FUT8: variants seen among roughly 807,000 people sequenced by gnomAD.
The protein encoded by FUT8 is fucosyltransferase 8.
In FUT8, 29 loss-of-function variants were observed where a neutral mutation model predicts 71.3. The observed-to-expected ratio is 0.41, with a 90% CI of 0.30 to 0.55. The LOEUF (loss-of-function observed/expected upper bound fraction) is 0.55, where lower values mean the gene tolerates loss of function less well. Among genes scored for constraint, FUT8 ranks in the 20% least tolerant of loss-of-function variants. The probability of loss-of-function intolerance (pLI) is 0.34; values close to 1 mark genes in which losing one functional copy is unlikely to be tolerated. For missense variants in FUT8, 544 were observed against 702.1 expected, an observed-to-expected ratio of 0.77 and a Z score of 2.55; for synonymous variants, 254 against 239.3, an observed-to-expected ratio of 1.06 and a Z score of -0.57.
chr14:65,425,780 A>T (rs2065376246), intron 1 of FUT8, among the ~76,000 whole-genome samples: 1 of 152,048 alleles, frequency 6.6e-6, no homozygotes, highest in Non-Finnish European at 1.5e-5. Context: ...GTTTGAGACC[A>T]GCCTGGCCAA....
intron 2 of FUT8, among the ~76,000 whole-genome samples, chr14:65,464,363 T>A (rs187249503): frequency 7.9e-5 from 12 of 152,186 alleles, no homozygotes; most frequent in Non-Finnish European, 1.5e-4. Context: ...TTTTCTTGTT[T>A]TACTGCATTA....
chr14:65,692,131 C>A (rs574744130), intron 7 of FUT8, among the ~76,000 whole-genome samples: 7 of 149,244 alleles, frequency 4.7e-5, no homozygotes, highest in Non-Finnish European at 4.5e-5. Context: ...CCTCCCAGAC[C>A]GGGTGGTGGC....
intron 6 of FUT8, among the ~76,000 whole-genome samples, chr14:65,646,878 T>C (rs1285005771): frequency 3.3e-5 from 5 of 152,162 alleles, no homozygotes; most frequent in Non-Finnish European, 7.4e-5. Context: ...CCCTGAAAAA[T>C]GAACATGATA....
intron 5 of FUT8, among the ~76,000 whole-genome samples, chr14:65,622,830 A>AT (rs143389595): frequency 0.017 from 2,540 of 151,070 alleles, 31 homozygotes; most frequent in Non-Finnish European, 0.025. Flanking sequence ...TCTTAGTCAC[A>AT]TTTACCCCCG....
rs1890051236 is a variant in FUT8 at position 65,629,271 on chromosome 14, AG to A, written c.483-220del. Among the ~76,000 whole-genome samples, 5 of 152,230 alleles carry A rather than the reference AG, an allele frequency of 3.3e-5. 1 individual carries two copies. In the South Asian group the frequency reaches 1.0e-3, roughly 32 times the overall value. ...GCAGCTGACTAGCTTGAACAAAAAA[AG>A]TATATTTTCTCAACAGTGAAAATTT... On this transcript the variant is annotated intron_variant, in intron 5 of 10. Coordinates refer to ENST00000673929, the MANE Select transcript of FUT8 (RefSeq NM_001371533.1).
At chr14:65,494,149 C>T (rs765581356) in intron 2 of FUT8, among the ~76,000 whole-genome samples, 7 of 152,136 alleles carry the variant, frequency 4.6e-5, no homozygotes, top group Admixed American at 3.9e-4. Context: ...AATTTTTTAA[C>T]TTTTTGTTAG....
chr14:65,675,952 GCGCCACTGCA>G (rs1302283800), intron 7 of FUT8, among the ~76,000 whole-genome samples: 1 of 152,064 alleles, frequency 6.6e-6, no homozygotes, highest in African/African-American at 2.4e-5. Flanking sequence ...AGCCGAGATC[GCGCCACTGCA>G]CTCCAGCCTG....
At chr14:65,564,991 G>T (rs11848176) in intron 3 of FUT8, among the ~76,000 whole-genome samples, 22 of 151,972 alleles carry the variant, frequency 1.4e-4, no homozygotes, top group African/African-American at 5.1e-4. Context: ...AGAGAAAGAA[G>T]TTATTTGGCT....
At chr14:65,484,197 T>A (rs1219951041) in intron 2 of FUT8, among the ~76,000 whole-genome samples, 1 of 152,228 alleles carries the variant, frequency 6.6e-6, no homozygotes, top group Non-Finnish European at 1.5e-5. Context: ...TAAAGAGAGC[T>A]TTATTTCTTC....
chr14:65,414,305 G>A (rs2065187360), intron 1 of FUT8, among the ~76,000 whole-genome samples: 1 of 152,014 alleles, frequency 6.6e-6, no homozygotes, highest in Non-Finnish European at 1.5e-5. Context: ...CGGCGGTTAG[G>A]TGCATGTTTA....
chr14:65,549,635 A>G (rs991628958), intron 2 of FUT8, among the ~76,000 whole-genome samples: 1 of 152,196 alleles, frequency 6.6e-6, no homozygotes, highest in Non-Finnish European at 1.5e-5. Flanking sequence ...CAAAACGGAT[A>G]TTGTAAATGG....
chr14:65,632,211 T>G (rs551691593), intron 6 of FUT8, among the ~76,000 whole-genome samples: 4 of 152,334 alleles, frequency 2.6e-5, no homozygotes, highest in Admixed American at 2.0e-4. Context: ...ATCTTTTTCA[T>G]GTAACGACTC....
chr14:65,618,383 A>T (rs1285719546), intron 5 of FUT8, among the ~76,000 whole-genome samples: 1 of 152,146 alleles, frequency 6.6e-6, no homozygotes, highest in Non-Finnish European at 1.5e-5. Flanking sequence ...ATGATTCCTT[A>T]CAGTGCCATT....
chr14:65,365,955 A>C, the FUT8 span, among the ~76,000 whole-genome samples: 1 of 152,098 alleles, frequency 6.6e-6, no homozygotes, highest in Non-Finnish European at 1.5e-5. Context: ...CTCCTGCCTC[A>C]GCCTCCTGAG....
intron 3 of FUT8, among the ~76,000 whole-genome samples, chr14:65,597,201 TA>T (rs35439429): frequency 0.6 from 91,361 of 151,982 alleles, 27,619 homozygotes; most frequent in East Asian, 0.76. Context: ...AGACTCTTAC[TA>T]AAGTCTGTCT....
At chr14:65,688,069 A>G (rs1321767627) in intron 7 of FUT8, among the ~76,000 whole-genome samples, 1 of 152,204 alleles carries the variant, frequency 6.6e-6, no homozygotes, top group African/African-American at 2.4e-5. Context: ...TATATTTGTC[A>G]TAATCAGTGA....
rs1165624366 is a variant in FUT8 at position 65,459,254 on chromosome 14, A to AT, written c.-228+3540dup. Among the ~76,000 whole-genome samples, 11 of 152,308 alleles carry AT rather than the reference A, an allele frequency of 7.2e-5. No individual in the cohort carries two copies. In the South Asian group the frequency reaches 2.1e-3, roughly 29 times the overall value. ...TTCTTCAGGATTTTAGGGTATTTAG[A>AT]TTTTAAACCACAATTCTAAGGTCAA... On this transcript the variant is annotated intron_variant, in intron 2 of 10. Coordinates refer to ENST00000673929, the MANE Select transcript of FUT8 (RefSeq NM_001371533.1).
intron 1 of FUT8, among the ~76,000 whole-genome samples, chr14:65,416,561 C>T (rs996451255): frequency 1.3e-5 from 2 of 152,080 alleles, no homozygotes; most frequent in African/African-American, 4.8e-5. Flanking sequence ...CTTATTGATT[C>T]TCTGGCTCAT....
intron 7 of FUT8, among the ~76,000 whole-genome samples, chr14:65,713,011 G>A (rs1594926849): frequency 1.3e-5 from 2 of 151,820 alleles, no homozygotes; most frequent in South Asian, 4.2e-4. Context: ...TTATTTTTTC[G>A]ACTTTTTGTA....
Sources: gnomAD v4.1 joint callset for allele counts (sites outside exome capture counted in the v4.1 genomes callset) on GRCh38, gnomAD v4.1.1 for gene constraint, MANE v1.5 for transcripts, NCBI Gene and HGNC (gene_info 2026-07-23, HGNC 2026-07-21) for gene names.